Variants in SLC49A4 observed in about 807,000 individuals in gnomAD.
The protein encoded by SLC49A4 is disrupted in renal cancer protein 2.
Under a neutral mutation model 50.6 loss-of-function variants are expected in SLC49A4, and 36 were observed. The ratio of observed to expected loss-of-function variants is 0.71; its 90% CI spans 0.55 to 0.94. SLC49A4 has a LOEUF of 0.94. SLC49A4 is among the 40% of genes least tolerant of loss of function. The probability of loss-of-function intolerance (pLI) is 0.00; values close to 1 mark genes in which losing one functional copy is unlikely to be tolerated. For missense variants in SLC49A4, 503 were observed against 605.7 expected, an observed-to-expected ratio of 0.83 and a Z score of 1.78; for synonymous variants, 248 against 241.2, an observed-to-expected ratio of 1.03 and a Z score of -0.26.
At chr3:122,837,318 A>G (rs932185144) in intron 4 of SLC49A4, among the ~76,000 whole-genome samples, 2 of 142,408 alleles carry the variant, frequency 1.4e-5, no homozygotes, top group South Asian at 2.2e-4. Flanking sequence ...ACTATACTAC[A>G]AGGCTACAGT....
Position 122,860,207 on chromosome 3 carries a change from G to C in SLC49A4, c.1138+5G>C, listed in dbSNP as rs762590071. The C allele has an allele frequency of 1.9e-6, 3 of 1,576,626 alleles. No individual in the cohort carries two copies. In the Admixed American group the frequency reaches 5.7e-5, roughly 30 times the overall value. ...CACACCTACCTTTAACCACAGGTGA[G>C]CATAGGCTATTTTTGAACTTTTAAT... is the stretch of plus-strand genomic sequence containing the variant. On this transcript the variant is annotated splice_donor_5th_base_variant and intron_variant, in intron 7 of 8. Transcript: ENST00000261038.
chr3:122,816,003 A>G (rs1161981848), intron 2 of SLC49A4, among the ~76,000 whole-genome samples: 3 of 152,198 alleles, frequency 2.0e-5, no homozygotes, highest in Admixed American at 6.5e-5. Context: ...TAGCCATGCC[A>G]AAATATTTCT....
At chr3:122,867,940 C>G (rs1474463475) in intron 7 of SLC49A4, among the ~76,000 whole-genome samples, 1 of 151,886 alleles carries the variant, frequency 6.6e-6, no homozygotes, top group African/African-American at 2.4e-5. Context: ...ACGGTGAAAC[C>G]CTGTCTCTAG....
At chr3:122,799,001 C>A (rs1329670589) in intron 1 of SLC49A4, among the ~76,000 whole-genome samples, 1 of 152,036 alleles carries the variant, frequency 6.6e-6, no homozygotes, top group Non-Finnish European at 1.5e-5. Context: ...TACCTTCCCA[C>A]CCTTTTTCAT....
At chr3:122,829,703 G>C (rs1936584042) in intron 3 of SLC49A4, among the ~76,000 whole-genome samples, 1 of 152,196 alleles carries the variant, frequency 6.6e-6, no homozygotes, top group South Asian at 2.1e-4. Flanking sequence ...TGTGAGCCAA[G>C]ATCACACCAC....
At position 122,795,081 on chromosome 3, in the gene SLC49A4, G is replaced by C. The variant is rs1280467331; in HGVS notation, c.-112G>C. The C allele has an allele frequency of 7.5e-6, 9 of 1,192,940 alleles. No individual in the cohort carries two copies. Among genetic ancestry groups the C allele is most frequent in the South Asian group, 8.5e-5 (2 of 23,428 alleles). The allele number at this position is 1,192,940 out of a possible 1,614,324, so 73.9% of individuals were successfully genotyped here. ...GCGCACCAGGCGCGGTCCGGAGGCC[G>C]AGGGCGACCACAGCAGCCTCCGCCT... On this transcript the variant is annotated 5_prime_UTR_variant, in exon 1 of 9. Coordinates refer to ENST00000261038, the MANE Select transcript of SLC49A4 (RefSeq NM_032839.3).
At chr3:122,822,049 C>T (rs1012605795) in intron 2 of SLC49A4, among the ~76,000 whole-genome samples, 5 of 152,110 alleles carry the variant, frequency 3.3e-5, no homozygotes, top group African/African-American at 9.7e-5. Flanking sequence ...ACTGCCTTAG[C>T]GCTATGGGAG....
chr3:122,859,869 A>C (rs1241158822), intron 6 of SLC49A4, among the ~76,000 whole-genome samples: 1 of 152,162 alleles, frequency 6.6e-6, no homozygotes, highest in East Asian at 1.9e-4. Context: ...TCCTGAACAA[A>C]GATGCCGTTT....
chr3:122,797,906 A>T lies in SLC49A4; in HGVS notation c.343+2371A>T, dbSNP rs115361467. Among the ~76,000 whole-genome samples, 1,076 of 152,300 alleles carry T rather than the reference A, an allele frequency of 7.1e-3. 5 individuals carry two copies. The highest frequency in any genetic ancestry group is 0.022 in the African/African-American group (929 of 41,560). ...TGAGGCTGGAGGATCAGTTGAGCCC[A>T]GGAAGTAGAGGCTGCAGTGAGCTAT... On this transcript the variant is annotated intron_variant, in intron 1 of 8. Coordinates refer to ENST00000261038, the MANE Select transcript of SLC49A4 (RefSeq NM_032839.3).
At chr3:122,824,016 C>A (rs1426759069) in intron 2 of SLC49A4, among the ~76,000 whole-genome samples, 1 of 152,182 alleles carries the variant, frequency 6.6e-6, no homozygotes, top group Non-Finnish European at 1.5e-5. Flanking sequence ...GGACTAAGTT[C>A]TGGAAAACTA....
intron 5 of SLC49A4, 147 bp downstream of exon 5, chr3:122,846,018 G>A: frequency 2.3e-6 from 1 of 440,950 alleles, no homozygotes; most frequent in South Asian, 6.9e-5. Context: ...TTATGGAATA[G>A]GTAAAAAATA....
intron 2 of SLC49A4, among the ~76,000 whole-genome samples, chr3:122,818,129 G>A (rs1049901440): frequency 6.6e-6 from 1 of 152,138 alleles, no homozygotes; most frequent in Admixed American, 6.5e-5. Context: ...CAAATAAGTT[G>A]TTGGAAACAA....
At chr3:122,817,735 C>A (rs996981821) in intron 2 of SLC49A4, among the ~76,000 whole-genome samples, 1 of 150,256 alleles carries the variant, frequency 6.7e-6, no homozygotes, top group Non-Finnish European at 1.5e-5. Flanking sequence ...CATGTGCCAC[C>A]ACACCCAGCT....
chr3:122,870,524 C>T (rs916027236), intron 7 of SLC49A4, among the ~76,000 whole-genome samples: 9 of 149,958 alleles, frequency 6.0e-5, no homozygotes, highest in South Asian at 2.2e-4. Flanking sequence ...ATAGATTATT[C>T]TAGGTCAGGT....
chr3:122,880,997 G>C lies in SLC49A4; in HGVS notation c.*1619G>C, dbSNP rs543916524. Reference sequence around the variant, plus strand: ...ATCTGTCTTCAGTCATCTTTAAATCGTCTCTCTTTATAAACACTCTGCTCA... The same window carrying C: ...ATCTGTCTTCAGTCATCTTTAAATCCTCTCTCTTTATAAACACTCTGCTCA... On this transcript the variant is annotated 3_prime_UTR_variant, in exon 9 of 9. Transcript: ENST00000261038. 2.6e-5 allele frequency: 4 copies of C among 152,094 alleles called. No homozygotes were observed. Among genetic ancestry groups the C allele is most frequent in the African/African-American group, 9.7e-5 (4 of 41,408 alleles). The allele number at this position is 152,094 out of a possible 1,614,324, so 9.4% of individuals were successfully genotyped here. A position where few individuals can be genotyped will look rare whatever the true frequency, so the allele number is the denominator to read the frequency against.
At chr3:122,858,250 G>A (rs1250068549) in intron 6 of SLC49A4, among the ~76,000 whole-genome samples, 2 of 152,110 alleles carry the variant, frequency 1.3e-5, no homozygotes, top group Non-Finnish European at 2.9e-5. Flanking sequence ...TACAGTTGTC[G>A]GTTTATTCTT....
At chr3:122,850,649 A>G (rs1271599282) in intron 5 of SLC49A4, among the ~76,000 whole-genome samples, 1 of 152,108 alleles carries the variant, frequency 6.6e-6, no homozygotes, top group Non-Finnish European at 1.5e-5. Context: ...CTAGGGCTAC[A>G]GGTGCACACC....
chr3:122,852,137 G>A (rs987384642), intron 5 of SLC49A4, among the ~76,000 whole-genome samples: 8 of 151,832 alleles, frequency 5.3e-5, no homozygotes, highest in South Asian at 2.1e-4. Flanking sequence ...GACTACAGGC[G>A]CGTACAACCA....
intron 2 of SLC49A4, among the ~76,000 whole-genome samples, chr3:122,815,933 T>C (rs889035524): frequency 6.6e-6 from 1 of 152,182 alleles, no homozygotes; most frequent in African/African-American, 2.4e-5. Flanking sequence ...GGCAATACGC[T>C]TCCCTCAAAT....
Sources: gnomAD v4.1 joint callset for allele counts (sites outside exome capture counted in the v4.1 genomes callset) on GRCh38, gnomAD v4.1.1 for gene constraint, MANE v1.5 for transcripts, NCBI Gene and HGNC (gene_info 2026-07-23, HGNC 2026-07-21) for gene names.